ADGRB3: variants seen among roughly 807,000 people sequenced by gnomAD.
The protein encoded by ADGRB3 is adhesion G protein-coupled receptor B3.
ADGRB3 carries 37 observed loss-of-function variants against 193.4 expected under a neutral mutation model. The ratio of observed to expected loss-of-function variants is 0.19; its 90% CI spans 0.15 to 0.25. The LOEUF is 0.25. Among genes scored for constraint, ADGRB3 ranks in the 10% least tolerant of loss-of-function variants. The pLI is 1.00. For synonymous variants in ADGRB3, 690 were observed against 644.2 expected, an observed-to-expected ratio of 1.07 and a Z score of -1.08; for missense variants, 1,637 against 1,852.9, an observed-to-expected ratio of 0.88 and a Z score of 2.14.
chr6:68,659,889 T>C (rs1768583992), intron 3 of ADGRB3, among the ~76,000 whole-genome samples: 1 of 151,088 alleles, frequency 6.6e-6, no homozygotes, highest in African/African-American at 2.4e-5. Flanking sequence ...CTAGGAAGGA[T>C]TAACTACTAT....
intron 3 of ADGRB3, among the ~76,000 whole-genome samples, chr6:68,783,905 G>A (rs559057345): frequency 2.0e-5 from 3 of 151,936 alleles, no homozygotes; most frequent in Admixed American, 6.6e-5. Context: ...TGTTACCTTC[G>A]TGTAGTAGAT....
intron 17 of ADGRB3, among the ~76,000 whole-genome samples, chr6:69,157,206 C>T (rs1458845765): frequency 6.6e-6 from 1 of 152,122 alleles, no homozygotes; most frequent in Admixed American, 6.6e-5. Context: ...AGTTAAAATT[C>T]ACAAAGGACT....
chr6:68,974,313 T>A lies in ADGRB3; in HGVS notation c.1526-450T>A, dbSNP rs1301604452. ...AGATACTAAAAGGAAATCTGATGGG[T>A]TTTTATGTATGTTTATGCCACTAAC... is the stretch of plus-strand genomic sequence containing the variant. On this transcript the variant is annotated intron_variant, in intron 8 of 31. Coordinates refer to ENST00000370598, the MANE Select transcript of ADGRB3 (RefSeq NM_001704.3). Among the ~76,000 whole-genome samples, 9 of 152,164 alleles carry A rather than the reference T, an allele frequency of 5.9e-5. No individual in the cohort carries two copies. The East Asian group carries it at 1.7e-3, about 29-fold the overall frequency.
At position 68,639,057 on chromosome 6, in the gene ADGRB3, A is replaced by T. The variant is rs749186524; in HGVS notation, c.382A>T (p.Ile128Phe). The T allele has an allele frequency of 1.2e-6, 2 of 1,613,726 alleles. No homozygotes were observed. The highest frequency in any genetic ancestry group is 1.7e-6 in the Non-Finnish European group (2 of 1,179,894). Residue 128 changes from isoleucine to phenylalanine, a missense_variant, in exon 3 of 32, where the codon ATT becomes TTT. Ile to Phe is a conservative substitution (Grantham distance 21). Around this residue, in one of 7 missense-constraint regions of ADGRB3, gnomAD observed 365 missense variants for 409.8 expected, o/e 0.89. Transcript: ENST00000370598. ...FVFLQYDKNFIQIRRVFPTNF... is the reference protein window; with the variant it reads ...FVFLQYDKNFFQIRRVFPTNF... ...TTTTCTACAGTATGATAAAAATTTT[A>T]TTCAAATACGTCGAGTATTTCCAAC...
chr6:68,937,544 T>A (rs1562093021), intron 5 of ADGRB3, among the ~76,000 whole-genome samples: 1 of 152,164 alleles, frequency 6.6e-6, no homozygotes, highest in African/African-American at 2.4e-5. Flanking sequence ...TGGACTTGCA[T>A]TCACAGCCTT....
chr6:68,704,756 T>C (rs1765297166), intron 3 of ADGRB3, among the ~76,000 whole-genome samples: 1 of 152,232 alleles, frequency 6.6e-6, no homozygotes, highest in Admixed American at 6.5e-5. Flanking sequence ...GGGCTCCTTT[T>C]AGCAGGTAAA....
intron 3 of ADGRB3, among the ~76,000 whole-genome samples, chr6:68,690,154 G>C (rs1765048514): frequency 6.6e-6 from 1 of 152,078 alleles, no homozygotes; most frequent in Admixed American, 6.6e-5. Context: ...TCTGTCTTAG[G>C]TCATTGAATG....
At chr6:68,970,058 A>G (rs938795804) in intron 8 of ADGRB3, among the ~76,000 whole-genome samples, 3 of 152,038 alleles carry the variant, frequency 2.0e-5, no homozygotes, top group Non-Finnish European at 4.4e-5. Context: ...CCTTTGCACA[A>G]ATTGTTTCCT....
intron 17 of ADGRB3, among the ~76,000 whole-genome samples, chr6:69,086,888 A>G (rs1486516965): frequency 6.6e-6 from 1 of 152,062 alleles, no homozygotes; most frequent in African/African-American, 2.4e-5. Flanking sequence ...ATGACATAGC[A>G]TTTTTAACCT....
chr6:68,735,196 C>T (rs1765848162), intron 3 of ADGRB3, among the ~76,000 whole-genome samples: 1 of 151,518 alleles, frequency 6.6e-6, no homozygotes, highest in Non-Finnish European at 1.5e-5. Flanking sequence ...AAAATATTGT[C>T]GAATGAATGA....
At chr6:68,842,720 A>G (rs941571867) in intron 3 of ADGRB3, among the ~76,000 whole-genome samples, 1 of 152,090 alleles carries the variant, frequency 6.6e-6, no homozygotes, top group Non-Finnish European at 1.5e-5. Context: ...ATCAAAAAAA[A>G]GAAAACTACA....
intron 17 of ADGRB3, among the ~76,000 whole-genome samples, chr6:69,102,572 C>T (rs1389529117): frequency 6.6e-6 from 1 of 152,104 alleles, no homozygotes; most frequent in Non-Finnish European, 1.5e-5. Flanking sequence ...CCTGAGCTAA[C>T]GGGGAGCAGA....
At chr6:69,153,730 T>C (rs1310016728) in intron 17 of ADGRB3, among the ~76,000 whole-genome samples, 1 of 152,020 alleles carries the variant, frequency 6.6e-6, no homozygotes, top group Non-Finnish European at 1.5e-5. Flanking sequence ...AACATAAGAG[T>C]AACCTGTAAT....
chr6:69,017,374 G>A (rs527656537), intron 12 of ADGRB3, among the ~76,000 whole-genome samples: 159 of 152,042 alleles, frequency 1.0e-3, no homozygotes, highest in Middle Eastern at 0.01. Context: ...AGAAAATGCA[G>A]TGGTGCTGAA....
At chr6:69,332,050 T>C (rs983959107) in intron 23 of ADGRB3, 10 of 985,200 alleles carry the variant, frequency 1.0e-5, no homozygotes, top group South Asian at 4.7e-5. Flanking sequence ...TACACCAAGA[T>C]TGGAAAGAGG....
At chr6:68,999,273 T>C (rs1769489464) in intron 11 of ADGRB3, among the ~76,000 whole-genome samples, 2 of 151,372 alleles carry the variant, frequency 1.3e-5, no homozygotes, top group South Asian at 4.2e-4. Flanking sequence ...TTTCTTTTTT[T>C]TTTTTTTTTG....
At chr6:69,288,034 A>ATT (rs112515092) in intron 20 of ADGRB3, among the ~76,000 whole-genome samples, 1 of 148,228 alleles carries the variant, frequency 6.7e-6, no homozygotes, top group Non-Finnish European at 1.5e-5. Flanking sequence ...AACTTGTTTC[A>ATT]TTTTTTTTTT....
intron 3 of ADGRB3, among the ~76,000 whole-genome samples, chr6:68,749,780 TC>T (rs551000661): frequency 4.1e-4 from 63 of 152,230 alleles, no homozygotes; most frequent in African/African-American, 1.4e-3. Context: ...GAAGAGGAAG[TC>T]AAAATAGTCT....
intron 3 of ADGRB3, among the ~76,000 whole-genome samples, chr6:68,826,416 A>G (rs1347419191): frequency 6.6e-6 from 1 of 152,096 alleles, no homozygotes; most frequent in Admixed American, 6.5e-5. Flanking sequence ...AGATAAATAA[A>G]AGCAAGGGAG....
Sources: gnomAD v4.1 joint callset for allele counts (sites outside exome capture counted in the v4.1 genomes callset) on GRCh38, gnomAD v4.1.1 for gene constraint, gnomAD v4.1.1 regional missense constraint, MANE v1.5 for transcripts, NCBI Gene and HGNC (gene_info 2026-07-23, HGNC 2026-07-21) for gene names.